Variants in CNTLN observed in about 807,000 individuals in gnomAD.
CNTLN encodes the protein centlein, centrosomal protein.
In CNTLN, 212 loss-of-function variants were observed where a neutral mutation model predicts 180.0. That is an observed-to-expected ratio of 1.18 (90% CI 1.05 to 1.32). The LOEUF (loss-of-function observed/expected upper bound fraction) is 1.32, where lower values mean the gene tolerates loss of function less well. Ranked by LOEUF, CNTLN falls within the 40% of genes most tolerant of loss-of-function variation. The pLI is 0.00. For synonymous variants in CNTLN, 722 were observed against 563.1 expected (o/e 1.28, Z -3.99); for missense variants, 2,095 against 1,610.9 (o/e 1.30, Z -5.14).
At chr9:17,506,784 G>A (rs2754345), downstream of CNTLN, among the ~76,000 whole-genome samples, 42,958 of 151,930 alleles carry the variant, frequency 0.28, 7,464 homozygotes, top group South Asian at 0.5. Context: ...ATTGGCCTAT[G>A]TTCAGAAGAG....
chr9:17,389,414 A>C (rs755867194), intron 14 of CNTLN, among the ~76,000 whole-genome samples: 12 of 152,130 alleles, frequency 7.9e-5, no homozygotes, highest in Non-Finnish European at 1.6e-4. Flanking sequence ...GATATGTAAT[A>C]CTATGCTACT....
chr9:17,472,414 C>T (rs1158663024), intron 23 of CNTLN, among the ~76,000 whole-genome samples: 1 of 152,118 alleles, frequency 6.6e-6, no homozygotes, highest in Admixed American at 6.5e-5. Context: ...GATTATCTTT[C>T]TCTCCAACAC....
intron 25 of CNTLN, among the ~76,000 whole-genome samples, chr9:17,494,638 C>A (rs1025609497): frequency 4.6e-5 from 7 of 152,006 alleles, no homozygotes; most frequent in Admixed American, 1.3e-4. Flanking sequence ...GTTTTCTGTT[C>A]CTGCATTAGT....
downstream of CNTLN, among the ~76,000 whole-genome samples, chr9:17,504,864 A>G (rs1023255012): frequency 2.6e-5 from 4 of 152,184 alleles, no homozygotes; most frequent in Admixed American, 6.6e-5. Flanking sequence ...AGTGAAACTG[A>G]TTTTGGACAT....
chr9:17,340,945 G>C lies in CNTLN; in HGVS notation c.1763G>C (p.Gly588Ala). Residue 588 changes from glycine to alanine, a missense_variant, in exon 11 of 26, where the codon GGC becomes GCC. Transcript: ENST00000380647. ...TTAAAACAGTGGGAAGAAGGCAGTG[G>C]CATGTGAGTTACATAGCTCATAAAG... ...EQLKQWEEGS[G>A]MTEIRKIKRA... 6.2e-7 allele frequency: 1 copy of C among 1,607,824 alleles called. No individual in the cohort carries two copies. The highest frequency in any genetic ancestry group is 8.5e-7 in the Non-Finnish European group (1 of 1,176,990).
intron 2 of CNTLN, among the ~76,000 whole-genome samples, chr9:17,173,003 A>T (rs1820508628): frequency 6.6e-6 from 1 of 152,202 alleles, no homozygotes. Context: ...GAAGATTTCT[A>T]CAAATTTTTT....
intron 8 of CNTLN, among the ~76,000 whole-genome samples, chr9:17,311,396 T>C (rs1819121580): frequency 6.6e-6 from 1 of 151,942 alleles, no homozygotes; most frequent in South Asian, 2.1e-4. Context: ...AAGAAATCTT[T>C]CTGTTCCCCC....
chr9:17,334,199 A>G (rs1269713971), intron 10 of CNTLN, among the ~76,000 whole-genome samples: 1 of 152,034 alleles, frequency 6.6e-6, no homozygotes. Context: ...AGCTGGGATT[A>G]CAGGCGTGTG....
intron 5 of CNTLN, among the ~76,000 whole-genome samples, chr9:17,267,147 A>G (rs1308264661): frequency 6.6e-6 from 1 of 151,880 alleles, no homozygotes; most frequent in East Asian, 1.9e-4. Flanking sequence ...TGGTCTTTAC[A>G]TTTTGGCATG....
intron 5 of CNTLN, among the ~76,000 whole-genome samples, chr9:17,251,740 G>C (rs1286330621): frequency 6.6e-6 from 1 of 151,790 alleles, no homozygotes; most frequent in African/African-American, 2.4e-5. Flanking sequence ...GTATGTGTTG[G>C]TATCATTTAT....
chr9:17,328,483 C>G (rs902415601), intron 8 of CNTLN, among the ~76,000 whole-genome samples: 3 of 152,140 alleles, frequency 2.0e-5, no homozygotes, highest in Admixed American at 6.5e-5. Context: ...TCCCTCCTTA[C>G]CACTCAGCAG....
chr9:17,156,169 C>G (rs1819273950), intron 2 of CNTLN, among the ~76,000 whole-genome samples: 1 of 152,172 alleles, frequency 6.6e-6, no homozygotes, highest in African/African-American at 2.4e-5. Context: ...GTGCTGTTCC[C>G]TTTCGGCCAT....
chr9:17,202,646 G>GTTTTTTTTTTTTTTTT (rs57960408), intron 2 of CNTLN, among the ~76,000 whole-genome samples: 21 of 71,478 alleles, frequency 2.9e-4, no homozygotes, highest in South Asian at 6.0e-4. Flanking sequence ...TGCAACCTCT[G>GTTTTTTTTTTTTTTTT]TTTTTTTTTT....
rs2134430209 is a variant in CNTLN, at chr9:17,502,409, A to G, written c.4120-142A>G. 6.8e-6 allele frequency: 3 copies of G among 440,720 alleles called. No homozygotes were observed. The South Asian group carries it at 1.3e-4, about 19-fold the overall frequency. The allele number at this position is 440,720 out of a possible 1,614,324, so 27.3% of individuals were successfully genotyped here. ...ATTACCCACACTAACCAGCAAGATC[A>G]GTAGAAAAGAGATCCAGTAGGGTAC... On this transcript the variant is annotated intron_variant, in intron 25 of 25. Transcript: ENST00000380647.
chr9:17,516,929 G>A, the CNTLN span, among the ~76,000 whole-genome samples: 2 of 152,248 alleles, frequency 1.3e-5, no homozygotes, highest in South Asian at 2.1e-4. Flanking sequence ...AATATTCATT[G>A]AGGAAAGGAA....
intron 18 of CNTLN, among the ~76,000 whole-genome samples, chr9:17,450,401 T>C (rs577689881): frequency 6.6e-6 from 1 of 152,318 alleles, no homozygotes; most frequent in East Asian, 1.9e-4. Flanking sequence ...AAAAGTTGAA[T>C]GTCAGTGACT....
intron 2 of CNTLN, among the ~76,000 whole-genome samples, chr9:17,209,992 T>G (rs371722994): frequency 2.6e-5 from 4 of 152,310 alleles, no homozygotes; most frequent in East Asian, 1.9e-4. Flanking sequence ...TAGAGAAAAT[T>G]TGTACATCTT....
intron 8 of CNTLN, among the ~76,000 whole-genome samples, chr9:17,328,065 C>T (rs924696214): frequency 4.6e-5 from 7 of 152,206 alleles, no homozygotes; most frequent in East Asian, 1.9e-4. Flanking sequence ...TTAGAAATCA[C>T]ACTGTAACAT....
chr9:17,284,153 C>T (rs1370065560), intron 6 of CNTLN, among the ~76,000 whole-genome samples: 3 of 152,142 alleles, frequency 2.0e-5, no homozygotes, highest in African/African-American at 7.2e-5. Flanking sequence ...TCCTGAGTAG[C>T]TGGGATTACA....
Sources: gnomAD v4.1 joint callset for allele counts (sites outside exome capture counted in the v4.1 genomes callset) on GRCh38, gnomAD v4.1.1 for gene constraint, MANE v1.5 for transcripts, NCBI Gene and HGNC (gene_info 2026-07-23, HGNC 2026-07-21) for gene names.